The following PEAK1 variants were observed in gnomAD, a reference collection of about 807,000 sequenced individuals.
The protein encoded by PEAK1 is pseudopodium enriched atypical kinase 1.
PEAK1 carries 54 observed loss-of-function variants against 124.7 expected under a neutral mutation model. That is an observed-to-expected ratio of 0.43 (90% CI 0.35 to 0.54). PEAK1 has a LOEUF of 0.54. Among genes scored for constraint, PEAK1 ranks in the 20% least tolerant of loss-of-function variants. The pLI is 0.01. For missense variants in PEAK1, 2,046 were observed against 2,134.5 expected, an observed-to-expected ratio of 0.96 and a Z score of 0.82; for synonymous variants, 719 against 760.0, an observed-to-expected ratio of 0.95 and a Z score of 0.89.
chr15:77,280,439 T>C (rs2062602793), intron 5 of PEAK1, among the ~76,000 whole-genome samples: 1 of 152,182 alleles, frequency 6.6e-6, no homozygotes, highest in East Asian at 1.9e-4. Context: ...TATCTTCAAT[T>C]ATTTAATAGA....
rs1402591113 is a variant in PEAK1 at position 77,110,684 on chromosome 15, TC to T, written c.*3471del. On this transcript the variant is annotated 3_prime_UTR_variant, in exon 10 of 10. Transcript: ENST00000682557. ...CTCAACCCATACCTCACCCAGTTCA[TC>T]TTCTGAGGGCAAATCTTGAAACTCA... The T allele has an allele frequency of 2.6e-5, 4 of 152,216 alleles. No homozygotes were observed. Among genetic ancestry groups the T allele is most frequent in the African/African-American group, 9.7e-5 (4 of 41,450 alleles). 9.4% of individuals were successfully genotyped at this position (152,216 alleles called of 1,614,324 possible). A position where few individuals can be genotyped will look rare whatever the true frequency, so the allele number is the denominator to read the frequency against.
At chr15:77,257,100 T>G (rs185752189) in intron 5 of PEAK1, among the ~76,000 whole-genome samples, 5 of 152,176 alleles carry the variant, frequency 3.3e-5, no homozygotes, top group African/African-American at 1.2e-4. Flanking sequence ...TGCATACGTG[T>G]CACATTTTCT....
At chr15:77,325,552 G>A (rs576603240) in intron 2 of PEAK1, among the ~76,000 whole-genome samples, 2 of 152,240 alleles carry the variant, frequency 1.3e-5, no homozygotes, top group South Asian at 4.1e-4. Flanking sequence ...TAGCAGTGAT[G>A]GGGCCACTGA....
chr15:77,256,399 T>C (rs955525179), intron 5 of PEAK1, among the ~76,000 whole-genome samples: 27 of 150,900 alleles, frequency 1.8e-4, no homozygotes, highest in African/African-American at 6.1e-4. Context: ...TAGTAGCGAA[T>C]AGTTTCAGGT....
At chr15:77,168,235 GCGCA>G (rs1474424140) in intron 7 of PEAK1, among the ~76,000 whole-genome samples, 156 of 59,604 alleles carry the variant, frequency 2.6e-3, no homozygotes, top group African/African-American at 7.2e-3. Context: ...GCATGTGCGC[GCGCA>G]CACACACACA....
intron 1 of PEAK1, among the ~76,000 whole-genome samples, chr15:77,378,199 T>C (rs1030904219): frequency 1.5e-5 from 2 of 130,824 alleles, no homozygotes; most frequent in Non-Finnish European, 1.8e-5. Context: ...TATATATATA[T>C]ATATATATAC....
At position 77,321,034 on chromosome 15, in the gene PEAK1, C is replaced by G. The variant is rs111919566; in HGVS notation, c.-602-34530G>C. On this transcript the variant is annotated intron_variant, in intron 2 of 9. Coordinates refer to ENST00000682557, the MANE Select transcript of PEAK1 (RefSeq NM_001385026.1). The stretch of plus-strand genomic sequence containing the variant: ...ATAATACTCCATGGTGTATATGTGC[C>G]ACATTTTCTTAATCCAGTCTGTCAT... Among the ~76,000 whole-genome samples, 1,291 of 152,230 alleles carry G rather than the reference C, an allele frequency of 8.5e-3. 17 individuals are homozygous for G. The highest frequency in any genetic ancestry group is 0.03 in the African/African-American group (1,233 of 41,524).
At chr15:77,326,031 A>G (rs1423467875) in intron 2 of PEAK1, among the ~76,000 whole-genome samples, 1 of 152,116 alleles carries the variant, frequency 6.6e-6, no homozygotes, top group Non-Finnish European at 1.5e-5. Flanking sequence ...AGCACCATAT[A>G]GTTTGAATTT....
intron 1 of PEAK1, among the ~76,000 whole-genome samples, chr15:77,378,853 T>C (rs553916436): frequency 6.6e-6 from 1 of 152,298 alleles, no homozygotes; most frequent in East Asian, 1.9e-4. Context: ...TCATATATCA[T>C]TTATAGAAAA....
intron 6 of PEAK1, among the ~76,000 whole-genome samples, chr15:77,182,626 C>A (rs994359086): frequency 1.3e-5 from 2 of 151,640 alleles, no homozygotes; most frequent in African/African-American, 4.9e-5. Flanking sequence ...GTAGCACACA[C>A]CTATAGTTCC....
chr15:77,398,112 A>G (rs2071053883), intron 1 of PEAK1, among the ~76,000 whole-genome samples: 2 of 152,284 alleles, frequency 1.3e-5, no homozygotes, highest in Admixed American at 6.5e-5. Context: ...ATGCTATAAT[A>G]AAAAGTCATC....
At chr15:77,417,459 CG>C (rs745566711) in intron 1 of PEAK1, 178 of 378,304 alleles carry the variant, frequency 4.7e-4, no homozygotes, top group East Asian at 8.8e-4. Flanking sequence ...GGATGCGGGG[CG>C]GGGGGGGAGG....
chr15:77,168,697 A>G (rs1210235951), intron 7 of PEAK1, among the ~76,000 whole-genome samples: 2 of 152,182 alleles, frequency 1.3e-5, no homozygotes, highest in African/African-American at 4.8e-5. Flanking sequence ...AAGGTCTTTG[A>G]GAAGATCCAA....
Position 77,133,006 on chromosome 15 carries a change from T to C in PEAK1, c.4076A>G (p.Lys1359Arg). 1.2e-6 allele frequency: 2 copies of C among 1,602,142 alleles called. No homozygotes were observed. The highest frequency in any genetic ancestry group is 1.1e-5 in the South Asian group (1 of 90,540). The change falls in exon 9 of 10, where the codon AAG (lysine) becomes AGG (arginine). Residue 1359 changes from lysine (K) to arginine (R), a missense_variant and splice_region_variant. By Grantham distance (26) the Lys-to-Arg change is conservative. Transcript: ENST00000682557. This position sits in a 1 kb window ranked among gnomAD's most constrained non-coding sequence, Gnocchi z 4.2. ...AKDPLNNYAV[K>R]ICKSKAKESQ... ...ATGAGATTTATAATATTTTCTTACC[T>C]TGACTGCATAGTTATTAAGTGGATC...
chr15:77,339,277 G>GC (rs2066395477), intron 2 of PEAK1, among the ~76,000 whole-genome samples: 1 of 151,774 alleles, frequency 6.6e-6, no homozygotes, highest in Non-Finnish European at 1.5e-5. Flanking sequence ...CACCCAGCTA[G>GC]TTTTTTTGTA....
chr15:77,419,985 G>A (rs1409104890), intron 1 of PEAK1, 21 bp downstream of exon 1: 1 of 149,052 alleles, frequency 6.7e-6, no homozygotes. Context: ...GAGCGGACGC[G>A]GACAGCCGGG....
chr15:77,268,996 C>G (rs181260484), intron 5 of PEAK1, among the ~76,000 whole-genome samples: 67 of 151,994 alleles, frequency 4.4e-4, no homozygotes, highest in African/African-American at 1.5e-3. Context: ...GCCAGCACTA[C>G]GAGCACCGCT....
intron 6 of PEAK1, among the ~76,000 whole-genome samples, chr15:77,216,545 C>T (rs1269514959): frequency 6.6e-6 from 1 of 152,024 alleles, no homozygotes; most frequent in Non-Finnish European, 1.5e-5. Context: ...GGGTCAATGC[C>T]CCAAAGAAAT....
In PEAK1 at chr15:77,313,708, A is replaced by ATGTGTG. The variant is rs1216011901; in HGVS notation, c.-602-27210_-602-27205dup. The stretch of plus-strand genomic sequence containing the variant: ...TGTGTGTGTGTATATATATATATGT[A>ATGTGTG]TGTGTGTGTGTGTGTGTGTATATAT... On this transcript the variant is annotated intron_variant, in intron 2 of 9. Transcript: ENST00000682557. Among the ~76,000 whole-genome samples the ATGTGTG allele has an allele frequency of 7.3e-3, 685 of 93,754 alleles. 19 individuals carry two copies. Among genetic ancestry groups the ATGTGTG allele is most frequent in the African/African-American group, 0.027 (645 of 23,712 alleles). The allele number at this position is 93,754 out of a possible 152,430, so 61.5% of individuals were successfully genotyped here.
Sources: allele counts gnomAD v4.1 joint callset (sites outside exome capture counted in the v4.1 genomes callset), GRCh38; gene constraint gnomAD v4.1.1; non-coding constraint Gnocchi (gnomAD v3.1); transcripts MANE v1.5; gene names NCBI Gene and HGNC (gene_info 2026-07-23, HGNC 2026-07-21).